Variants in FAT4 observed in about 807,000 individuals in gnomAD.
FAT4 encodes the protein FAT atypical cadherin 4, also known as protocadherin Fat 4.
A neutral mutation model predicts 303.9 loss-of-function variants in FAT4; 84 were observed. The observed-to-expected ratio is 0.28, with a 90% CI of 0.23 to 0.33. FAT4 has a LOEUF of 0.33. Ranked by LOEUF, FAT4 falls within the 10% of genes least tolerant of loss-of-function variation. The pLI is 1.00. For missense variants in FAT4, 6,005 were observed against 6,146.8 expected (o/e 0.98, Z 0.77); for synonymous variants, 2,307 against 2,298.8 (o/e 1.00, Z -0.10).
chr4:125,462,887 C>T (rs1476531329), intron 10 of FAT4, among the ~76,000 whole-genome samples: 1 of 151,958 alleles, frequency 6.6e-6, no homozygotes, highest in Non-Finnish European at 1.5e-5. Flanking sequence ...CCATAATAAG[C>T]ACTCACTCAA....
At chr4:125,455,683 A>G (rs2126065027) in intron 10 of FAT4, among the ~76,000 whole-genome samples, 1 of 152,250 alleles carries the variant, frequency 6.6e-6, no homozygotes. Context: ...ATTTATATAC[A>G]TGTCGCACTC....
intron 2 of FAT4, among the ~76,000 whole-genome samples, chr4:125,398,383 A>G (rs568597144): frequency 1.3e-5 from 2 of 152,256 alleles, no homozygotes; most frequent in South Asian, 4.2e-4. Flanking sequence ...CAATATGTAA[A>G]CATTTCAGCA....
intron 2 of FAT4, among the ~76,000 whole-genome samples, chr4:125,371,384 A>T (rs1733107517): frequency 6.6e-6 from 1 of 151,906 alleles, no homozygotes; most frequent in Non-Finnish European, 1.5e-5. Context: ...TCTTCCAAAA[A>T]GCAACAGTGG....
At chr4:125,442,120 A>G (rs547154734) in intron 8 of FAT4, among the ~76,000 whole-genome samples, 5 of 152,178 alleles carry the variant, frequency 3.3e-5, no homozygotes, top group Non-Finnish European at 7.4e-5. Context: ...TTTGCTGACC[A>G]CTAGCCTAGA....
At chr4:125,436,904 G>C (rs1725473224) in intron 8 of FAT4, among the ~76,000 whole-genome samples, 1 of 151,870 alleles carries the variant, frequency 6.6e-6, no homozygotes, top group Non-Finnish European at 1.5e-5. Flanking sequence ...ACCCAGGCTG[G>C]AGTGCAGTGG....
Position 125,320,251 on chromosome 4 carries a change from C to G in FAT4, c.3840C>G (p.Ala1280=), listed in dbSNP as rs758016370. ...IGKLDYEATP[A]YSLVIQAVDS... is the part of the protein sequence containing the mutation. ...AATTAGACTATGAAGCAACACCTGC[C>G]TATTCCCTTGTAATTCAAGCAGTGG... Residue 1280 remains alanine, a synonymous_variant, in exon 2 of 18, where the codon GCC becomes GCG. Coordinates refer to ENST00000394329, the MANE Select transcript of FAT4 (RefSeq NM_001291303.3). 5.6e-6 allele frequency: 9 copies of G among 1,614,152 alleles called. No homozygotes were observed. Among genetic ancestry groups the G allele is most frequent in the Non-Finnish European group, 7.6e-6 (9 of 1,180,006 alleles).
At chr4:125,341,993 T>A (rs749788853) in intron 2 of FAT4, among the ~76,000 whole-genome samples, 7 of 151,978 alleles carry the variant, frequency 4.6e-5, no homozygotes, top group Admixed American at 6.6e-5. Flanking sequence ...GAAAAATGAA[T>A]CCTTGAAGTC....
In FAT4 at chr4:125,333,464, ATTAT is replaced by A. The variant is rs529560173; in HGVS notation, c.5175+11887_5175+11890del. Among the ~76,000 whole-genome samples the A allele has an allele frequency of 2.6e-4, 39 of 152,266 alleles. No individual in the cohort carries two copies. In the East Asian group the frequency reaches 7.5e-3, roughly 29 times the overall value. Reference sequence around the variant, plus strand: ...AATTGTAAAAGTGCAGTTCTGGCAAATTATTTATTTATGGATCAAAAGAGATTCC... The same window carrying A: ...AATTGTAAAAGTGCAGTTCTGGCAAATTATTTATGGATCAAAAGAGATTCC... On this transcript the variant is annotated intron_variant, in intron 2 of 17. Transcript: ENST00000394329.
intron 2 of FAT4, among the ~76,000 whole-genome samples, chr4:125,355,831 AT>A (rs1416248665): frequency 6.6e-6 from 1 of 151,846 alleles, no homozygotes; most frequent in Non-Finnish European, 1.5e-5. Context: ...TTGATTTGCA[AT>A]TTTTTAACAG....
chr4:125,343,601 G>C (rs1296624580), intron 2 of FAT4, among the ~76,000 whole-genome samples: 1 of 152,054 alleles, frequency 6.6e-6, no homozygotes, highest in African/African-American at 2.4e-5. Flanking sequence ...CTGAGTTCGA[G>C]TATTGACTAC....
intron 2 of FAT4, among the ~76,000 whole-genome samples, chr4:125,368,757 AAG>A (rs1161422856): frequency 1.3e-5 from 2 of 151,104 alleles, no homozygotes; most frequent in Non-Finnish European, 3.0e-5. Flanking sequence ...GAGAGAGAGA[AAG>A]AGAAAGTTGG....
chr4:125,484,640 T>C (rs1727345750), intron 16 of FAT4, among the ~76,000 whole-genome samples: 2 of 152,240 alleles, frequency 1.3e-5, no homozygotes, highest in South Asian at 4.2e-4. Flanking sequence ...GCAAACATCA[T>C]AGAGTGAACT....
chr4:125,469,550 G>A (rs1339178138), intron 12 of FAT4, among the ~76,000 whole-genome samples: 4 of 152,162 alleles, frequency 2.6e-5, no homozygotes, highest in African/African-American at 7.2e-5. Context: ...TAAATCCTCT[G>A]TTGTCATTTC....
intron 2 of FAT4, among the ~76,000 whole-genome samples, chr4:125,372,410 A>T (rs1401416249): frequency 6.6e-6 from 1 of 152,040 alleles, no homozygotes; most frequent in Non-Finnish European, 1.5e-5. Flanking sequence ...ATCAATAGTA[A>T]TGACACTAAT....
chr4:125,386,214 A>C (rs1367968306), intron 2 of FAT4, among the ~76,000 whole-genome samples: 1 of 152,172 alleles, frequency 6.6e-6, no homozygotes, highest in African/African-American at 2.4e-5. Flanking sequence ...TTATATTGAA[A>C]CTGATCTAAA....
chr4:125,440,973 C>T (rs1197395049), intron 8 of FAT4, among the ~76,000 whole-genome samples: 2 of 152,134 alleles, frequency 1.3e-5, no homozygotes, highest in African/African-American at 4.8e-5. Flanking sequence ...GGCACCCATT[C>T]TTTTCAGTGC....
chr4:125,360,953 T>C (rs1470516257), intron 2 of FAT4, among the ~76,000 whole-genome samples: 1 of 147,358 alleles, frequency 6.8e-6, no homozygotes, highest in Non-Finnish European at 1.5e-5. Flanking sequence ...TTTTATTTTA[T>C]TTTATTTATA....
intron 2 of FAT4, among the ~76,000 whole-genome samples, chr4:125,394,800 G>A (rs1294609195): frequency 6.6e-6 from 1 of 152,116 alleles, no homozygotes; most frequent in African/African-American, 2.4e-5. Context: ...ATGGCAACAA[G>A]GAAGCAATTT....
chr4:125,492,074 C>T lies in FAT4; in HGVS notation c.*306C>T, dbSNP rs528880107. ...GATTTGTGATTTTTAAAAATTGATA[C>T]CTTTACCATTGCAGAAAAGAACTTG... is the stretch of plus-strand genomic sequence containing the variant. On this transcript the variant is annotated 3_prime_UTR_variant, in exon 18 of 18. Coordinates refer to ENST00000394329, the MANE Select transcript of FAT4 (RefSeq NM_001291303.3). The T allele has an allele frequency of 3.4e-6, 1 of 293,362 alleles. No individual in the cohort carries two copies. Among genetic ancestry groups the T allele is most frequent in the South Asian group, 6.4e-5 (1 of 15,736 alleles). 18.2% of individuals were successfully genotyped at this position (293,362 alleles called of 1,614,324 possible).
Sources: gnomAD v4.1 joint callset for allele counts (sites outside exome capture counted in the v4.1 genomes callset) on GRCh38, gnomAD v4.1.1 for gene constraint, MANE v1.5 for transcripts, NCBI Gene and HGNC (gene_info 2026-07-23, HGNC 2026-07-21) for gene names.